Variants in TAFA2 observed in about 807,000 individuals in gnomAD.
TAFA2 encodes chemokine-like protein TAFA-2.
In TAFA2, 7 loss-of-function variants were observed where a neutral mutation model predicts 18.8. The ratio of observed to expected loss-of-function variants is 0.37; its 90% CI spans 0.21 to 0.70. The LOEUF is 0.70. TAFA2 is among the 30% of genes least tolerant of loss of function. The probability of loss-of-function intolerance (pLI) is 0.53; values close to 1 mark genes in which losing one functional copy is unlikely to be tolerated. For synonymous variants in TAFA2, 60 were observed against 54.2 expected (o/e 1.11, Z -0.47); for missense variants, 122 against 158.1 (o/e 0.77, Z 1.23).
intron 2 of TAFA2, among the ~76,000 whole-genome samples, chr12:61,841,781 T>C (rs975740560): frequency 6.6e-6 from 1 of 152,052 alleles, no homozygotes; most frequent in Non-Finnish European, 1.5e-5. Flanking sequence ...ATGTATGAGG[T>C]GAATAATATG....
intron 1 of TAFA2, among the ~76,000 whole-genome samples, chr12:61,876,083 T>C (rs1196835498): frequency 6.6e-6 from 1 of 152,182 alleles, no homozygotes; most frequent in East Asian, 1.9e-4. Context: ...ATATTCATAA[T>C]AAAACATTTT....
intron 1 of TAFA2, chr12:61,880,774 C>T (rs1264172412): frequency 1.1e-5 from 4 of 362,702 alleles, no homozygotes; most frequent in African/African-American, 6.3e-5. Context: ...CCTGAGTGAA[C>T]TGCCATGGCA....
At chr12:62,049,261 A>C (rs1881988702) in intron 1 of TAFA2, among the ~76,000 whole-genome samples, 1 of 152,098 alleles carries the variant, frequency 6.6e-6, no homozygotes, top group Non-Finnish European at 1.5e-5. Flanking sequence ...AATAAAGAGA[A>C]TTTTCTCAAA....
chr12:61,908,250 G>A (rs1876448736), intron 1 of TAFA2, among the ~76,000 whole-genome samples: 1 of 152,154 alleles, frequency 6.6e-6, no homozygotes, highest in Non-Finnish European at 1.5e-5. Flanking sequence ...CATGTGTCAT[G>A]GGAGGGACCC....
intron 1 of TAFA2, among the ~76,000 whole-genome samples, chr12:62,065,495 C>T (rs149122558): frequency 1.6e-3 from 247 of 152,128 alleles, no homozygotes; most frequent in Non-Finnish European, 3.0e-3. Flanking sequence ...AAAAAATGTG[C>T]ACTTGAAAAC....
At chr12:62,129,924 A>C (rs777076895) in intron 1 of TAFA2, among the ~76,000 whole-genome samples, 1 of 152,048 alleles carries the variant, frequency 6.6e-6, no homozygotes, top group African/African-American at 2.4e-5. Context: ...ATTCTAAAAC[A>C]TACCATTTCT....
chr12:61,946,138 T>C (rs1199271182), intron 1 of TAFA2, among the ~76,000 whole-genome samples: 2 of 149,904 alleles, frequency 1.3e-5, no homozygotes, highest in East Asian at 4.0e-4. Flanking sequence ...AACAGAGCCC[T>C]CAGAAATAAT....
intron 1 of TAFA2, among the ~76,000 whole-genome samples, chr12:61,929,794 G>C (rs1340602640): frequency 6.6e-6 from 1 of 152,028 alleles, no homozygotes; most frequent in Non-Finnish European, 1.5e-5. Context: ...AGAAAATGTG[G>C]CACATATACA....
At chr12:62,098,575 T>C (rs2136844979) in intron 1 of TAFA2, among the ~76,000 whole-genome samples, 1 of 152,320 alleles carries the variant, frequency 6.6e-6, no homozygotes, top group Admixed American at 6.5e-5. Flanking sequence ...CTCTAATTCT[T>C]GCCTCTGTTC....
At chr12:61,828,397 G>C (rs1872600842) in intron 2 of TAFA2, among the ~76,000 whole-genome samples, 1 of 151,882 alleles carries the variant, frequency 6.6e-6, no homozygotes, top group South Asian at 2.1e-4. Flanking sequence ...TCTTTCTTCA[G>C]ATTCCATTTC....
chr12:61,990,539 C>T (rs1879970922), intron 1 of TAFA2, among the ~76,000 whole-genome samples: 2 of 151,800 alleles, frequency 1.3e-5, no homozygotes, highest in Admixed American at 1.3e-4. Context: ...CGGGGTTTCA[C>T]CATGTTAGCC....
intron 2 of TAFA2, chr12:61,776,413 T>TAAAAA (rs34038005): frequency 6.4e-6 from 1 of 156,918 alleles, no homozygotes; most frequent in Non-Finnish European, 1.4e-5. Flanking sequence ...TAATAGATGT[T>TAAAAA]AAAAAAAAAG....
intron 2 of TAFA2, among the ~76,000 whole-genome samples, chr12:61,802,944 T>C (rs1871458959): frequency 6.6e-6 from 1 of 151,930 alleles, no homozygotes; most frequent in South Asian, 2.1e-4. Context: ...GGTTGGTTAT[T>C]TTTAGTGTCA....
At chr12:61,750,505 C>CA (rs1177099740) in intron 4 of TAFA2, among the ~76,000 whole-genome samples, 1 of 151,878 alleles carries the variant, frequency 6.6e-6, no homozygotes, top group Non-Finnish European at 1.5e-5. Flanking sequence ...GGGTCAGAAC[C>CA]AAAAAAATTC....
intron 1 of TAFA2, among the ~76,000 whole-genome samples, chr12:62,171,786 C>G (rs2062479605): frequency 6.6e-6 from 1 of 151,984 alleles, no homozygotes; most frequent in Non-Finnish European, 1.5e-5. Context: ...TAAACTAAGA[C>G]AATAATAAAT....
chr12:62,124,521 A>G (rs947916405), intron 1 of TAFA2, among the ~76,000 whole-genome samples: 1 of 152,162 alleles, frequency 6.6e-6, no homozygotes, highest in African/African-American at 2.4e-5. Context: ...GTAAATATTG[A>G]TTGCTGTTAA....
intron 1 of TAFA2, among the ~76,000 whole-genome samples, chr12:62,250,272 C>G (rs2062906486): frequency 6.6e-6 from 1 of 152,186 alleles, no homozygotes; most frequent in South Asian, 2.1e-4. Flanking sequence ...ATATTTCTGG[C>G]ATATACTATA....
intron 2 of TAFA2, among the ~76,000 whole-genome samples, chr12:61,787,907 C>T (rs1056993373): frequency 5.9e-5 from 9 of 151,502 alleles, no homozygotes; most frequent in East Asian, 3.9e-4. Flanking sequence ...AGATATAGAG[C>T]GGTCAAATGG....
intron 4 of TAFA2, among the ~76,000 whole-genome samples, chr12:61,740,466 C>A (rs1868395189): frequency 6.7e-6 from 1 of 148,754 alleles, no homozygotes; most frequent in African/African-American, 2.5e-5. Context: ...ATGTATCCCA[C>A]AACTTAAAGT....
Sources: gnomAD v4.1 joint callset for allele counts (sites outside exome capture counted in the v4.1 genomes callset) on GRCh38, gnomAD v4.1.1 for gene constraint, MANE v1.5 for transcripts, NCBI Gene and HGNC (gene_info 2026-07-23, HGNC 2026-07-21) for gene names.